Variants in RSRC1 observed in about 807,000 individuals in gnomAD.
RSRC1 encodes the protein arginine and serine rich coiled-coil 1.
Under a neutral mutation model 49.1 loss-of-function variants are expected in RSRC1, and 39 were observed. That is an observed-to-expected ratio of 0.79 (90% confidence interval 0.61 to 1.04). The LOEUF (loss-of-function observed/expected upper bound fraction) is 1.04, where lower values mean the gene tolerates loss of function less well. Ranked by LOEUF, RSRC1 falls within the 50% of genes least tolerant of loss-of-function variation. RSRC1 has a pLI of 0.00. For missense variants in RSRC1, 388 were observed against 402.4 expected (o/e 0.96, Z 0.31); for synonymous variants, 143 against 130.8 (o/e 1.09, Z -0.63).
intron 3 of RSRC1, among the ~76,000 whole-genome samples, chr3:158,180,965 C>T (rs377562042): frequency 7.2e-5 from 11 of 151,880 alleles, no homozygotes; most frequent in Admixed American, 1.3e-4. Context: ...CCACCACGCC[C>T]GGCTAATTTT....
intron 7 of RSRC1, among the ~76,000 whole-genome samples, chr3:158,474,517 C>A (rs902756318): frequency 6.6e-6 from 1 of 152,128 alleles, no homozygotes; most frequent in Admixed American, 6.6e-5. Flanking sequence ...TTAAATAAGA[C>A]AACAATGAAG....
At chr3:158,298,211 T>C (rs1727346899) in intron 5 of RSRC1, 136 bp downstream of exon 5, 1 of 618,408 alleles carries the variant, frequency 1.6e-6, no homozygotes. Context: ...ACTGTTATTA[T>C]GTGAAGGCAC....
chr3:158,258,886 T>G (rs1441397181), intron 4 of RSRC1, among the ~76,000 whole-genome samples: 3 of 152,192 alleles, frequency 2.0e-5, no homozygotes, highest in Admixed American at 2.0e-4. Flanking sequence ...CTAGATTTTC[T>G]GCTGGATTCT....
intron 3 of RSRC1, among the ~76,000 whole-genome samples, chr3:158,171,537 T>C (rs150432565): frequency 5.3e-5 from 8 of 152,154 alleles, no homozygotes; most frequent in African/African-American, 1.4e-4. Context: ...TAGAGAAATA[T>C]AACCTGTAAA....
intron 3 of RSRC1, among the ~76,000 whole-genome samples, chr3:158,196,115 T>C (rs1263390212): frequency 6.6e-6 from 1 of 152,218 alleles, no homozygotes; most frequent in East Asian, 1.9e-4. Context: ...CGATATTGAT[T>C]CTTCCTACTC....
chr3:158,516,362 G>T (rs1343889587), intron 7 of RSRC1, among the ~76,000 whole-genome samples: 1 of 152,186 alleles, frequency 6.6e-6, no homozygotes, highest in East Asian at 1.9e-4. Context: ...GGCCGTGTGA[G>T]GTGTCAGTGT....
chr3:158,386,802 T>C (rs1190342170), intron 6 of RSRC1, among the ~76,000 whole-genome samples: 1 of 149,440 alleles, frequency 6.7e-6, no homozygotes, highest in African/African-American at 2.5e-5. Flanking sequence ...CACAGGACCA[T>C]AATGTGAGTC....
In RSRC1 at chr3:158,273,966, T is replaced by C. The variant is rs552909184; in HGVS notation, c.495-24073T>C. Among the ~76,000 whole-genome samples the C allele has an allele frequency of 3.3e-5, 5 of 152,252 alleles. No individual in the cohort carries two copies. In the South Asian group the frequency reaches 8.3e-4, roughly 25 times the overall value. On this transcript the variant is annotated intron_variant, in intron 4 of 9. Transcript: ENST00000611884. ...TTTTACAGTGTAACACTACACAGAT[T>C]TAAGTGTTAAAAATTTTATCATAAA...
chr3:158,338,105 T>C (rs1730021317), intron 5 of RSRC1, among the ~76,000 whole-genome samples: 1 of 152,212 alleles, frequency 6.6e-6, no homozygotes, highest in Non-Finnish European at 1.5e-5. Context: ...TTGTAACCTT[T>C]GCTTCAGTTT....
chr3:158,331,096 G>T (rs1004335189), intron 5 of RSRC1, among the ~76,000 whole-genome samples: 3 of 152,098 alleles, frequency 2.0e-5, no homozygotes, highest in Non-Finnish European at 2.9e-5. Context: ...CCATGATTCA[G>T]TTACCTCCCA....
chr3:158,493,779 A>G (rs1225645619), intron 7 of RSRC1, among the ~76,000 whole-genome samples: 2 of 152,214 alleles, frequency 1.3e-5, no homozygotes, highest in Non-Finnish European at 2.9e-5. Context: ...ACTGAAGCTC[A>G]GCTACTGTGA....
chr3:158,157,655 G>A (rs1717957301), intron 3 of RSRC1, among the ~76,000 whole-genome samples: 1 of 151,932 alleles, frequency 6.6e-6, no homozygotes, highest in African/African-American at 2.4e-5. Context: ...AAGAGCAAGT[G>A]CTGTAATCCC....
chr3:158,147,702 C>G (rs1717231877), intron 3 of RSRC1, among the ~76,000 whole-genome samples: 1 of 152,076 alleles, frequency 6.6e-6, no homozygotes, highest in Non-Finnish European at 1.5e-5. Context: ...ATCCCAGTTT[C>G]CTACTACATT....
At chr3:158,184,188 T>C (rs1003715720) in intron 3 of RSRC1, among the ~76,000 whole-genome samples, 6 of 152,104 alleles carry the variant, frequency 3.9e-5, no homozygotes, top group African/African-American at 1.2e-4. Flanking sequence ...CATTACTAGG[T>C]TGCCTTTGTT....
chr3:158,213,524 T>A (rs116848715), intron 4 of RSRC1, among the ~76,000 whole-genome samples: 1 of 152,052 alleles, frequency 6.6e-6, no homozygotes, highest in East Asian at 1.9e-4. Flanking sequence ...CACTTTTTAA[T>A]GCTATTACAT....
chr3:158,138,408 G>C (rs1017102247), intron 3 of RSRC1, among the ~76,000 whole-genome samples: 1 of 152,140 alleles, frequency 6.6e-6, no homozygotes, highest in Non-Finnish European at 1.5e-5. Flanking sequence ...CAAATTTCTT[G>C]CTATTTCTTG....
chr3:158,195,401 C>T (rs1720532852), intron 3 of RSRC1, among the ~76,000 whole-genome samples: 2 of 151,144 alleles, frequency 1.3e-5, no homozygotes, highest in Non-Finnish European at 2.9e-5. Context: ...GATATTAGCC[C>T]TTTGTCAGAT....
intron 4 of RSRC1, among the ~76,000 whole-genome samples, chr3:158,252,907 A>ATGTCTGTGGTATCAGTTGTAG (rs1724304084): frequency 6.6e-6 from 1 of 152,036 alleles, no homozygotes; most frequent in East Asian, 1.9e-4. Context: ...GATCCTTTAA[A>ATGTCTGTGGTATCAGTTGTAG]TGTCTGTGGT....
At chr3:158,220,062 A>G (rs1052162392) in intron 4 of RSRC1, among the ~76,000 whole-genome samples, 1 of 151,648 alleles carries the variant, frequency 6.6e-6, no homozygotes, top group African/African-American at 2.4e-5. Flanking sequence ...TAGTCAAGTC[A>G]CTTAATCTCT....
Sources: allele counts gnomAD v4.1 joint callset (sites outside exome capture counted in the v4.1 genomes callset), GRCh38; gene constraint gnomAD v4.1.1; transcripts MANE v1.5; gene names NCBI Gene and HGNC (gene_info 2026-07-23, HGNC 2026-07-21).